The following RNF157 variants were observed in gnomAD, a reference collection of about 807,000 sequenced individuals.
RNF157 encodes the protein E3 ubiquitin ligase RNF157.
A neutral mutation model predicts 88.3 loss-of-function variants in RNF157; 55 were observed. The ratio of observed to expected loss-of-function variants is 0.62; its 90% CI spans 0.50 to 0.78. The LOEUF is 0.78. Among genes scored for constraint, RNF157 ranks in the 30% least tolerant of loss-of-function variants. The pLI, the probability that RNF157 is intolerant of heterozygous loss-of-function variation, is 0.00. For synonymous variants in RNF157, 334 were observed against 341.2 expected (o/e 0.98, Z 0.23); for missense variants, 788 against 860.8 (o/e 0.92, Z 1.06).
At chr17:76,177,319 C>T (rs1200014598) in intron 2 of RNF157, among the ~76,000 whole-genome samples, 1 of 150,574 alleles carries the variant, frequency 6.6e-6, no homozygotes, top group Non-Finnish European at 1.5e-5. Flanking sequence ...CCCCCCCGCC[C>T]CAGCAGGCTC....
Position 76,224,912 on chromosome 17 carries a change from C to T in RNF157, c.89-12430G>A, listed in dbSNP as rs1348589314. 3.3e-5 allele frequency among the ~76,000 whole-genome samples: 5 copies of T among 152,278 alleles called. No homozygotes were observed. The East Asian group carries it at 9.6e-4, about 29-fold the overall frequency. ...TAGGGCTGGGAGCAGTGGCTCATGC[C>T]TGTAATCCCAGCACTTTGGGAGGCC... On this transcript the variant is annotated intron_variant, in intron 1 of 18. Coordinates refer to ENST00000269391, the MANE Select transcript of RNF157 (RefSeq NM_052916.3).
chr17:76,227,735 G>C (rs1178658803), intron 1 of RNF157, among the ~76,000 whole-genome samples: 1 of 151,950 alleles, frequency 6.6e-6, no homozygotes, highest in Non-Finnish European at 1.5e-5. Flanking sequence ...AAATTAGCCG[G>C]GCGTGGTGAT....
chr17:76,186,005 G>A (rs1011168931), intron 2 of RNF157, among the ~76,000 whole-genome samples: 7 of 152,028 alleles, frequency 4.6e-5, no homozygotes, highest in Non-Finnish European at 8.8e-5. Context: ...TCCTAAGCAA[G>A]TATTTGAACG....
At chr17:76,238,919 T>C (rs1265607666) in intron 1 of RNF157, among the ~76,000 whole-genome samples, 1 of 152,226 alleles carries the variant, frequency 6.6e-6, no homozygotes, top group Non-Finnish European at 1.5e-5. Flanking sequence ...ATTCATTCTT[T>C]GGTACAAAAG....
rs890445000 is a variant in RNF157, at chr17:76,176,720, C to T, written c.208-2930G>A. Among the ~76,000 whole-genome samples, 1 of 152,174 alleles carries T rather than the reference C, an allele frequency of 6.6e-6. No individual in the cohort carries two copies. Among genetic ancestry groups the T allele is most frequent in the Non-Finnish European group, 1.5e-5 (1 of 68,028 alleles). ...GAGGAGCAGCGTGGCAGAAGAGCAG[C>T]GCGGTAGGGCAAAGAGGAGCCCCGA... is the stretch of plus-strand genomic sequence containing the variant. On this transcript the variant is annotated intron_variant, in intron 2 of 18. Coordinates refer to ENST00000269391, the MANE Select transcript of RNF157 (RefSeq NM_052916.3). This position sits in a 1 kb window ranked among gnomAD's most constrained non-coding sequence, Gnocchi z 4.2.
At chr17:76,238,125 T>C (rs931943583) in intron 1 of RNF157, among the ~76,000 whole-genome samples, 3 of 150,112 alleles carry the variant, frequency 2.0e-5, no homozygotes. Flanking sequence ...CTAGGCATGG[T>C]GGTCATGGCC....
In RNF157 at chr17:76,212,490, G is replaced by A. The variant is rs773910643; in HGVS notation, c.89-8C>T. On this transcript the variant is annotated splice_region_variant and splice_polypyrimidine_tract_variant and intron_variant, in intron 1 of 18. Transcript: ENST00000269391. ...GGCTGGCAAAATAGCTTCCTAGAGAGGAACAAACAAAAAAAATCAAACAAG... is the reference window on the plus strand; with the variant it reads ...GGCTGGCAAAATAGCTTCCTAGAGAAGAACAAACAAAAAAAATCAAACAAG... 4 of 1,530,836 alleles carry A rather than the reference G, an allele frequency of 2.6e-6. No homozygotes were observed. Among genetic ancestry groups the A allele is most frequent in the African/African-American group, 2.8e-5 (2 of 72,550 alleles). 94.8% of individuals were successfully genotyped at this position (1,530,836 alleles called of 1,614,324 possible).
chr17:76,219,795 C>G, intron 1 of RNF157, among the ~76,000 whole-genome samples: 1 of 151,782 alleles, frequency 6.6e-6, no homozygotes, highest in East Asian at 1.9e-4. Flanking sequence ...AAGAAAACTG[C>G]GAAAAATATA....
intron 1 of RNF157, chr17:76,225,941 T>C: frequency 1.9e-6 from 3 of 1,612,540 alleles, no homozygotes; most frequent in Non-Finnish European, 2.5e-6. Context: ...GGCTGCTGTC[T>C]TGTTTTGCTC....
At position 76,143,781 on chromosome 17, in the gene RNF157, G is replaced by C. The variant is rs530023846; in HGVS notation, c.*1454C>G. The C allele has an allele frequency of 1.6e-4, 25 of 151,594 alleles. No individual in the cohort carries two copies. The highest frequency in any genetic ancestry group is 5.8e-4 in the African/African-American group (24 of 41,294). The allele number at this position is 151,594 out of a possible 1,614,324, so 9.4% of individuals were successfully genotyped here. A position where few individuals can be genotyped will look rare whatever the true frequency, so the allele number is the denominator to read the frequency against. ...CTTGAATTTTTTTTTTTTTGTTTGAGACAGAGTTTCGATCTTTTCAATCTT... is the reference window on the plus strand; with the variant it reads ...CTTGAATTTTTTTTTTTTTGTTTGACACAGAGTTTCGATCTTTTCAATCTT... On this transcript the variant is annotated 3_prime_UTR_variant, in exon 19 of 19. Transcript: ENST00000269391.
Position 76,154,290 on chromosome 17 carries a change from C to T in RNF157, c.1803G>A (p.Thr601=), listed in dbSNP as rs117130497. ...GACCAGATCTTTTACCACCTTCCTG[C>T]GTGGGTGATCCATCCTCTTCCTCTA... ...DVIEEEDGSP[T]QEGQRTCAFL... Residue 601 remains threonine, a synonymous_variant, in exon 17 of 19, where the codon ACG becomes ACA. Transcript: ENST00000269391. The T allele has an allele frequency of 3.0e-4, 475 of 1,610,036 alleles. 3 individuals carry two copies. The East Asian group carries it at 9.6e-3, about 33-fold the overall frequency.
At chr17:76,214,405 T>C (rs921923514) in intron 1 of RNF157, among the ~76,000 whole-genome samples, 3 of 152,160 alleles carry the variant, frequency 2.0e-5, no homozygotes, top group African/African-American at 7.2e-5. Flanking sequence ...TAGATTTTCA[T>C]AAGCCAGCTT....
At chr17:76,239,007 CA>C (rs973592634) in intron 1 of RNF157, among the ~76,000 whole-genome samples, 11 of 152,174 alleles carry the variant, frequency 7.2e-5, no homozygotes, top group Non-Finnish European at 1.2e-4. Context: ...TTTCACCTGG[CA>C]GACACTGGAC....
intron 2 of RNF157, among the ~76,000 whole-genome samples, chr17:76,203,156 A>G (rs939460241): frequency 1.3e-5 from 2 of 151,774 alleles, no homozygotes; most frequent in African/African-American, 2.4e-5. Context: ...ATGCCTGGCT[A>G]ATTTTTGTAT....
At chr17:76,236,112 T>C (rs2070279419) in intron 1 of RNF157, among the ~76,000 whole-genome samples, 1 of 152,160 alleles carries the variant, frequency 6.6e-6, no homozygotes, top group Non-Finnish European at 1.5e-5. Context: ...TTGAAGGCCT[T>C]AAAAGCAAAA....
chr17:76,146,257 GT>G lies in RNF157; in HGVS notation c.1922-905del. On this transcript the variant is annotated intron_variant, in intron 18 of 18. Transcript: ENST00000269391. The surrounding 1 kb of genome is among the most constrained non-coding windows in gnomAD (Gnocchi z 4.2). ...GCACATCAGTTTACTGTGGGCCTTGGTTTTCTCACCCATCAGATGGGACATG... is the reference window on the plus strand; with the variant it reads ...GCACATCAGTTTACTGTGGGCCTTGGTTTCTCACCCATCAGATGGGACATG... 3 of 786,806 alleles carry G rather than the reference GT, an allele frequency of 3.8e-6. No individual in the cohort carries two copies. The highest frequency in any genetic ancestry group is 4.6e-6 in the Non-Finnish European group (3 of 648,512). The allele number at this position is 786,806 out of a possible 1,614,324, so 48.7% of individuals were successfully genotyped here. A position where few individuals can be genotyped will look rare whatever the true frequency, so the allele number is the denominator to read the frequency against.
At position 76,160,801 on chromosome 17, in the gene RNF157, C is replaced by G. The variant is rs1240513713; in HGVS notation, c.1065+734G>C. Among the ~76,000 whole-genome samples the G allele has an allele frequency of 6.6e-6, 1 of 152,148 alleles. No individual in the cohort carries two copies. Among genetic ancestry groups the G allele is most frequent in the Non-Finnish European group, 1.5e-5 (1 of 68,020 alleles). ...CAAGCTTAGAGAATCCTTTCCAATC[C>G]AAAGTCAACTAAATAATCATCTATA... On this transcript the variant is annotated intron_variant, in intron 11 of 18. Transcript: ENST00000269391. The surrounding 1 kb of genome is among the most constrained non-coding windows in gnomAD (Gnocchi z 4.3).
rs368001212 is a variant in RNF157, at chr17:76,215,418, C to T, written c.89-2936G>A. On this transcript the variant is annotated intron_variant, in intron 1 of 18. Transcript: ENST00000269391. The stretch of plus-strand genomic sequence containing the variant: ...TGAGTTCAGGAGTTCAAGGTTGCAG[C>T]GAGCTATGATTGCCACTGCACTCCA... Among the ~76,000 whole-genome samples the T allele has an allele frequency of 7.3e-5, 11 of 149,800 alleles. No homozygotes were observed. In the East Asian group the frequency reaches 9.8e-4, roughly 13 times the overall value.
intron 1 of RNF157, among the ~76,000 whole-genome samples, chr17:76,233,837 T>C: frequency 6.6e-6 from 1 of 152,196 alleles, no homozygotes; most frequent in East Asian, 1.9e-4. Context: ...CCAGCCCCAT[T>C]TTGAAAATAG....
Sources: gnomAD v4.1 joint callset for allele counts (sites outside exome capture counted in the v4.1 genomes callset) on GRCh38, gnomAD v4.1.1 for gene constraint, Gnocchi (gnomAD v3.1) non-coding constraint, MANE v1.5 for transcripts, NCBI Gene and HGNC (gene_info 2026-07-23, HGNC 2026-07-21) for gene names.